The following SLC35D4 variants were observed in gnomAD, a reference collection of about 807,000 sequenced individuals.
The protein encoded by SLC35D4 is solute carrier family 35 member D4.
At chr18:23,277,225 A>G in the SLC35D4 span, among the ~76,000 whole-genome samples, 167 of 152,284 alleles carry the variant, frequency 1.1e-3, no homozygotes, top group African/African-American at 3.8e-3. Flanking sequence ...CCAGTGGGAG[A>G]TAATTGAATC....
chr18:23,355,120 C>T, the SLC35D4 span, among the ~76,000 whole-genome samples: 2 of 152,138 alleles, frequency 1.3e-5, no homozygotes, highest in South Asian at 2.1e-4. Flanking sequence ...CAATGCATTC[C>T]TCAAAGAGGC....
At chr18:23,321,658 TTGGCCAGGC>T in the SLC35D4 span, among the ~76,000 whole-genome samples, 2 of 152,298 alleles carry the variant, frequency 1.3e-5, no homozygotes, top group South Asian at 4.1e-4. Flanking sequence ...TTTCACCATG[TTGGCCAGGC>T]TGGCCTTGAA....
At chr18:23,409,578 C>T in the SLC35D4 span, among the ~76,000 whole-genome samples, 4 of 152,158 alleles carry the variant, frequency 2.6e-5, no homozygotes, top group East Asian at 1.9e-4. Context: ...AGGTGGTTTA[C>T]GCCCTGTAAT....
the SLC35D4 span, among the ~76,000 whole-genome samples, chr18:23,309,253 T>C: frequency 1.3e-5 from 2 of 151,902 alleles, no homozygotes; most frequent in African/African-American, 4.8e-5. Context: ...TGTGTGTGTG[T>C]GTGTGTGTGT....
chr18:23,294,814 T>G, the SLC35D4 span, among the ~76,000 whole-genome samples: 7 of 151,924 alleles, frequency 4.6e-5, no homozygotes, highest in Admixed American at 2.0e-4. Flanking sequence ...CTCTGAAAGG[T>G]GTTTCAAACA....
At chr18:23,433,758 C>A in the SLC35D4 span, among the ~76,000 whole-genome samples, 3 of 151,858 alleles carry the variant, frequency 2.0e-5, no homozygotes, top group African/African-American at 7.3e-5. Flanking sequence ...AATTTTCTTT[C>A]TACGAATAAA....
chr18:23,268,791 CGT>C, the SLC35D4 span, among the ~76,000 whole-genome samples: 2 of 144,140 alleles, frequency 1.4e-5, no homozygotes, highest in Middle Eastern at 3.6e-3. Context: ...GCCTGCTGTG[CGT>C]GTGTGTGTGC....
At chr18:23,335,514 G>A in the SLC35D4 span, among the ~76,000 whole-genome samples, 3 of 152,024 alleles carry the variant, frequency 2.0e-5, no homozygotes, top group Non-Finnish European at 4.4e-5. Context: ...TTAGTTTTAG[G>A]GATACACACA....
At chr18:23,422,753 AC>A in the SLC35D4 span, among the ~76,000 whole-genome samples, 1 of 152,130 alleles carries the variant, frequency 6.6e-6, no homozygotes, top group Non-Finnish European at 1.5e-5. Context: ...CATGAAGCTC[AC>A]CTGAGACACA....
chr18:23,388,988 T>C, the SLC35D4 span, among the ~76,000 whole-genome samples: 3 of 126,920 alleles, frequency 2.4e-5, no homozygotes, highest in African/African-American at 1.1e-4. Flanking sequence ...CAAGTAGTTC[T>C]TTTTTTTTTT....
the SLC35D4 span, among the ~76,000 whole-genome samples, chr18:23,315,121 T>C: frequency 6.6e-5 from 10 of 152,244 alleles, no homozygotes; most frequent in South Asian, 1.9e-3. Flanking sequence ...TAAATGCATA[T>C]GACTCTTAAG....
At chr18:23,247,497 G>A in the SLC35D4 span, among the ~76,000 whole-genome samples, 8 of 152,350 alleles carry the variant, frequency 5.3e-5, no homozygotes, top group Non-Finnish European at 7.3e-5. Flanking sequence ...TGCCTGGTCC[G>A]CTGTGGCAGT....
chr18:23,370,687 T>C, the SLC35D4 span, among the ~76,000 whole-genome samples: 6 of 152,234 alleles, frequency 3.9e-5, no homozygotes, highest in Non-Finnish European at 8.8e-5. Context: ...ATATGTGATT[T>C]GTAATAAAAT....
At chr18:23,385,139 T>A in the SLC35D4 span, 1 of 1,465,238 alleles carries the variant, frequency 6.8e-7, no homozygotes, top group East Asian at 2.4e-5. Flanking sequence ...CTTGATTTTT[T>A]GCTTAAAAAT....
the SLC35D4 span, chr18:23,370,318 G>C: frequency 6.3e-7 from 1 of 1,576,176 alleles, no homozygotes; most frequent in Non-Finnish European, 8.7e-7. Flanking sequence ...GGAGCTGCTG[G>C]CCTGTCCGGG....
chr18:23,343,742 T>C, the SLC35D4 span, among the ~76,000 whole-genome samples: 1 of 152,106 alleles, frequency 6.6e-6, no homozygotes. Flanking sequence ...TAGGCCCCGG[T>C]GTCAGCCGTT....
chr18:23,253,112 C>G, the SLC35D4 span: 9 of 1,030,256 alleles, frequency 8.7e-6, no homozygotes, highest in African/African-American at 1.6e-5. Flanking sequence ...GCAAACCCCT[C>G]TTTCCACACA....
At chr18:23,244,769 G>A in the SLC35D4 span, among the ~76,000 whole-genome samples, 580 of 152,300 alleles carry the variant, frequency 3.8e-3, 4 homozygotes, top group African/African-American at 0.013. Context: ...AAGGCTTGCA[G>A]CGGCTGCATA....
the SLC35D4 span, among the ~76,000 whole-genome samples, chr18:23,274,827 A>G: frequency 6.6e-6 from 1 of 152,188 alleles, no homozygotes; most frequent in Non-Finnish European, 1.5e-5. Flanking sequence ...CCTGGAAAAC[A>G]TCTTTAACTT....
Sources: allele counts gnomAD v4.1 joint callset (sites outside exome capture counted in the v4.1 genomes callset), GRCh38; gene constraint gnomAD v4.1.1; transcripts MANE v1.5; gene names NCBI Gene and HGNC (gene_info 2026-07-23, HGNC 2026-07-21).